BOP1: variants seen among roughly 807,000 people sequenced by gnomAD.
BOP1 encodes BOP1 ribosomal biogenesis factor.
A neutral mutation model predicts 82.9 loss-of-function variants in BOP1; 54 were observed. The ratio of observed to expected loss-of-function variants is 0.65; its 90% confidence interval spans 0.52 to 0.82. BOP1 has a LOEUF of 0.82. BOP1 is among the 40% of genes least tolerant of loss of function. BOP1 has a pLI of 0.00. For missense variants in BOP1, 1,170 were observed against 1,072.0 expected, an observed-to-expected ratio of 1.09 and a Z score of -1.28; for synonymous variants, 566 against 451.1, an observed-to-expected ratio of 1.25 and a Z score of -3.23.
Position 144,271,616 on chromosome 8 carries a change from G to A in BOP1, c.390+4608C>T, listed in dbSNP as rs1182466843. Reference sequence around the variant, plus strand: ...GAAGTGCTCAGGGCAAGGCCAGGGCGGGAGGCTCACCTGCTGCATCTCACC... The same window carrying A: ...GAAGTGCTCAGGGCAAGGCCAGGGCAGGAGGCTCACCTGCTGCATCTCACC... On this transcript the variant is annotated intron_variant, in intron 3 of 15. Coordinates refer to ENST00000569669, the MANE Select transcript of BOP1 (RefSeq NM_015201.5). Among the ~76,000 whole-genome samples the A allele has an allele frequency of 9.2e-5, 14 of 152,194 alleles. No homozygotes were observed. The East Asian group carries it at 1.5e-3, about 17-fold the overall frequency.
At chr8:144,271,189 A>G (rs1475154354) in intron 3 of BOP1, among the ~76,000 whole-genome samples, 10 of 151,804 alleles carry the variant, frequency 6.6e-5, no homozygotes, top group Non-Finnish European at 1.5e-4. Flanking sequence ...ACAGGCCGCA[A>G]CCGGCTGATG....
intron 2 of BOP1, among the ~76,000 whole-genome samples, chr8:144,280,289 G>A (rs1022768775): frequency 6.6e-6 from 1 of 152,218 alleles, no homozygotes; most frequent in African/African-American, 2.4e-5. Context: ...TCCACACCCA[G>A]GCAACTTCTC....
chr8:144,263,299 G>T lies in BOP1; in HGVS notation c.1527C>A (p.Pro509=). The T allele has an allele frequency of 2.5e-6, 4 of 1,594,184 alleles. No homozygotes were observed. The South Asian group carries it at 3.3e-5, about 13-fold the overall frequency. Residue 509 remains proline (P), a synonymous_variant, in exon 12 of 16, where the codon CCC becomes CCA. Transcript: ENST00000569669. ...CCTCCAGCCAGCGGGCCGGCTGCAAGGGGGGCTCCTCAGGCGGGACGAAGG... is the reference window on the plus strand; with the variant it reads ...CCTCCAGCCAGCGGGCCGGCTGCAATGGGGGCTCCTCAGGCGGGACGAAGG... ...LSAFVPPEEP[P]LQPARWLEAS...
At chr8:144,273,134 C>G (rs984651972) in intron 3 of BOP1, among the ~76,000 whole-genome samples, 33 of 152,288 alleles carry the variant, frequency 2.2e-4, no homozygotes, top group Non-Finnish European at 4.3e-4. Context: ...CCAGCAGCGA[C>G]GCAAGCCTGA....
chr8:144,265,021 G>A lies in BOP1; in HGVS notation c.441C>T (p.Phe147=), dbSNP rs2130201332. Reference sequence around the variant, plus strand: ...CATCCAGGTCGTAGCCCACGTGGGGGAAGTCATCGTACCACTCCAAGGGCA... The same window carrying A: ...CATCCAGGTCGTAGCCCACGTGGGGAAAGTCATCGTACCACTCCAAGGGCA... The part of the protein sequence containing the change: ...GNVPLEWYDD[F]PHVGYDLDGR... The change falls in exon 4 of 16, where the codon TTC becomes TTT. Residue 147 remains phenylalanine, a synonymous_variant. Transcript: ENST00000569669. 2 of 1,612,276 alleles carry A rather than the reference G, an allele frequency of 1.2e-6. No individual in the cohort carries two copies. The highest frequency in any genetic ancestry group is 2.2e-5 in the East Asian group (1 of 44,860).
intron 2 of BOP1, among the ~76,000 whole-genome samples, chr8:144,285,577 G>A (rs1346224416): frequency 2.6e-5 from 4 of 152,330 alleles, no homozygotes; most frequent in Admixed American, 2.0e-4. Flanking sequence ...ACGAGTGGCC[G>A]TGGCCAGGAC....
intron 2 of BOP1, among the ~76,000 whole-genome samples, chr8:144,279,171 CGGGTCTCAAGACCATCAT>C (rs1251746310): frequency 7.2e-6 from 1 of 139,184 alleles, no homozygotes; most frequent in Non-Finnish European, 1.5e-5. Context: ...ACGACCACCA[CGGGTCTCAAGACCATCAT>C]GGGTCTCAAG....
chr8:144,267,123 C>T (rs1845391326), intron 3 of BOP1: 5 of 1,486,972 alleles, frequency 3.4e-6, no homozygotes, highest in African/African-American at 1.5e-5. Context: ...CCCGCGACGG[C>T]GAGAACACCC....
Position 144,273,370 on chromosome 8 carries a change from ACCCCAG to A in BOP1, c.390+2848_390+2853del, listed in dbSNP as rs199719892. On this transcript the variant is annotated intron_variant, in intron 3 of 15. Transcript: ENST00000569669. ...GGGCACCGAGGAGCTGCCAGGCTGCACCCCAGCCCCAGACTCCAGACTCCAGTGGAG... is the reference window on the plus strand; with the variant it reads ...GGGCACCGAGGAGCTGCCAGGCTGCACCCCAGACTCCAGACTCCAGTGGAG... Among the ~76,000 whole-genome samples, 262 of 81,150 alleles carry A rather than the reference ACCCCAG, an allele frequency of 3.2e-3. 1 individual carries two copies. Among genetic ancestry groups the A allele is most frequent in the African/African-American group, 0.012 (246 of 20,040 alleles). The allele number at this position is 81,150 out of a possible 152,430, so 53.2% of individuals were successfully genotyped here. A position where few individuals can be genotyped will look rare whatever the true frequency, so the allele number is the denominator to read the frequency against.
intron 3 of BOP1, among the ~76,000 whole-genome samples, chr8:144,267,794 G>T (rs1157243173): frequency 6.6e-6 from 1 of 152,204 alleles, no homozygotes; most frequent in Non-Finnish European, 1.5e-5. Context: ...AGCTCCTGCT[G>T]TGCTTGGTGG....
chr8:144,287,321 T>TA (rs1308082087), intron 2 of BOP1, among the ~76,000 whole-genome samples: 58 of 152,238 alleles, frequency 3.8e-4, no homozygotes, highest in African/African-American at 1.3e-3. Context: ...AAGAATTTAA[T>TA]AAAAAAATCA....
intron 2 of BOP1, among the ~76,000 whole-genome samples, chr8:144,277,952 C>T (rs1376077334): frequency 1.3e-5 from 2 of 152,208 alleles, no homozygotes; most frequent in African/African-American, 4.8e-5. Context: ...AAAACCCTAA[C>T]GACACAGACA....
At chr8:144,267,188 C>A in intron 3 of BOP1, 1 of 1,518,290 alleles carries the variant, frequency 6.6e-7, no homozygotes, top group South Asian at 1.2e-5. Context: ...TTGGTGAGCA[C>A]GGGCCGTGGG....
intron 3 of BOP1, chr8:144,267,083 G>A: frequency 7.3e-7 from 1 of 1,369,688 alleles, no homozygotes; most frequent in Admixed American, 3.7e-5. Context: ...CGCGCCGGCA[G>A]CCCCCCGCCG....
intron 3 of BOP1, among the ~76,000 whole-genome samples, chr8:144,268,677 G>A (rs964507351): frequency 1.2e-4 from 18 of 152,168 alleles, no homozygotes; most frequent in African/African-American, 4.3e-4. Flanking sequence ...CACCCACAGA[G>A]CCTCATATCG....
At chr8:144,268,904 G>T (rs538534979) in intron 3 of BOP1, among the ~76,000 whole-genome samples, 4,296 of 152,208 alleles carry the variant, frequency 0.028, 199 homozygotes, top group African/African-American at 0.097. Context: ...GGGCGCTGCA[G>T]GTGGCCACAA....
At chr8:144,281,063 C>CCAGGTCTTCGGCCTTCCCTCAGTTTA (rs1564601666) in intron 2 of BOP1, among the ~76,000 whole-genome samples, 2 of 54,866 alleles carry the variant, frequency 3.6e-5, no homozygotes, top group Non-Finnish European at 3.7e-5. Context: ...CTCTCACTTT[C>CCAGGTCTTCGGCCTTCCCTCAGTTTA]ATACCAGGTC....
At position 144,262,263 on chromosome 8, in the gene BOP1, C is replaced by T; in HGVS notation, c.2142G>A (p.Val714=). The change falls in exon 16 of 16, where the codon GTG becomes GTA. Residue 714 remains valine, a synonymous_variant. Coordinates refer to ENST00000569669, the MANE Select transcript of BOP1 (RefSeq NM_015201.5). ...LVPVKVLKGH[V]LTRDLGVLDV... ...CCAGCACTCCCAGATCTCGGGTCAG[C>T]ACGTGTCCCTTCAGCACCTTGACGG... 6.2e-7 allele frequency: 1 copy of T among 1,612,798 alleles called. No homozygotes were observed. Among genetic ancestry groups the T allele is most frequent in the Non-Finnish European group, 8.5e-7 (1 of 1,179,800 alleles).
rs1419258074 is a variant in BOP1, at chr8:144,263,503, C to T, written c.1399G>A (p.Ala467Thr). The T allele has an allele frequency of 2.7e-5, 43 of 1,598,738 alleles. No homozygotes were observed. The Admixed American group carries it at 4.3e-4, about 16-fold the overall frequency. ...VKSVAWNPSP[A>T]VCLVAAAVED... ...ACGGCTGCAGCCACCAGGCAGACAGCGGGGCTGGGGTTCCAGGCCACACTC... is the reference window on the plus strand; with the variant it reads ...ACGGCTGCAGCCACCAGGCAGACAGTGGGGCTGGGGTTCCAGGCCACACTC... The change falls in exon 11 of 16, where the codon GCT becomes ACT. Residue 467 changes from alanine (A) to threonine (T), a missense_variant. Transcript: ENST00000569669.
Sources: gnomAD v4.1 joint callset for allele counts (sites outside exome capture counted in the v4.1 genomes callset) on GRCh38, gnomAD v4.1.1 for gene constraint, MANE v1.5 for transcripts, NCBI Gene and HGNC (gene_info 2026-07-23, HGNC 2026-07-21) for gene names.